The following TYR variants were observed in gnomAD, a reference collection of about 807,000 sequenced individuals.
TYR encodes LB24-AB.
TYR carries 58 observed loss-of-function variants against 51.5 expected under a neutral mutation model. The ratio of observed to expected loss-of-function variants is 1.13; its 90% CI spans 0.91 to 1.40. The LOEUF is 1.40. Among genes scored for constraint, TYR ranks in the 40% most tolerant of loss-of-function variants. TYR has a pLI of 0.00. For synonymous variants in TYR, 263 were observed against 235.2 expected, an observed-to-expected ratio of 1.12 and a Z score of -1.08; for missense variants, 732 against 647.4, an observed-to-expected ratio of 1.13 and a Z score of -1.42.
chr11:89,295,323 T>G lies in TYR; in HGVS notation c.1547T>G (p.Met516Arg). Residue 516 changes from methionine to arginine, a missense_variant, in exon 5 of 5, where the codon ATG becomes AGG. Physicochemically the swap from Met to Arg is moderately conservative, Grantham distance 91. Coordinates refer to ENST00000263321, the MANE Select transcript of TYR (RefSeq NM_000372.5). ...QLPEEKQPLLMEKEDYHSLYQ... is the reference protein window; with the variant it reads ...QLPEEKQPLLREKEDYHSLYQ... Reference sequence around the variant, plus strand: ...CCTGAAGAAAAGCAGCCACTCCTCATGGAGAAAGAGGATTACCACAGCTTG... The same window carrying G: ...CCTGAAGAAAAGCAGCCACTCCTCAGGGAGAAAGAGGATTACCACAGCTTG... 1 of 1,613,454 alleles carries G rather than the reference T, an allele frequency of 6.2e-7. No individual in the cohort carries two copies. Among genetic ancestry groups the G allele is most frequent in the Non-Finnish European group, 8.5e-7 (1 of 1,179,668 alleles).
chr11:89,227,690 C>G lies in TYR; in HGVS notation c.1037-133C>G, dbSNP rs556997125. 5 of 802,206 alleles carry G rather than the reference C, an allele frequency of 6.2e-6. No individual in the cohort carries two copies. In the South Asian group the frequency reaches 8.8e-5, roughly 14 times the overall value. 49.7% of individuals were successfully genotyped at this position (802,206 alleles called of 1,614,324 possible). ...ATCCAGAATGTAAAGAGTCTCAATA[C>G]GGAATGAATTTTATTTTTGATTTTA... On this transcript the variant is annotated intron_variant, in intron 2 of 4. Coordinates refer to ENST00000263321, the MANE Select transcript of TYR (RefSeq NM_000372.5).
chr11:89,178,594 TC>T lies in TYR; in HGVS notation c.642del (p.Leu215CysfsTer11). The T allele has an allele frequency of 6.2e-7, 1 of 1,613,250 alleles. No individual in the cohort carries two copies. Among genetic ancestry groups the T allele is most frequent in the Non-Finnish European group, 8.5e-7 (1 of 1,179,478 alleles). On this transcript the variant is annotated frameshift_variant, in exon 1 of 5. Transcript: ENST00000263321. LOFTEE classifies it high-confidence loss of function. Reference protein sequence around the residue: ...APAFLPWHRLFLLRWEQEIQK... With the variant: ...APAFLPWHRLXLLRWEQEIQK... Reference sequence around the variant, plus strand: ...GCTTTTCTGCCTTGGCATAGACTCTTCTTGTTGCGGTGGGAACAAGAAATCC... The same window carrying T: ...GCTTTTCTGCCTTGGCATAGACTCTTTTGTTGCGGTGGGAACAAGAAATCC...
chr11:89,204,661 G>C (rs1943648392), intron 2 of TYR, among the ~76,000 whole-genome samples: 1 of 152,060 alleles, frequency 6.6e-6, no homozygotes. Context: ...GCCTCCCAAA[G>C]TACTGGGATT....
At chr11:89,275,731 A>T (rs2135317998) in intron 3 of TYR, among the ~76,000 whole-genome samples, 1 of 151,992 alleles carries the variant, frequency 6.6e-6, no homozygotes, top group East Asian at 1.9e-4. Flanking sequence ...AACGTTAAAA[A>T]AATGGAAGTG....
At chr11:89,257,319 T>C (rs745370137) in intron 3 of TYR, among the ~76,000 whole-genome samples, 14 of 151,942 alleles carry the variant, frequency 9.2e-5, no homozygotes, top group Non-Finnish European at 2.1e-4. Context: ...ATAGGTAAAT[T>C]TCACACAATA....
Position 89,227,882 on chromosome 11 carries a change from T to A in TYR, c.1096T>A (p.Leu366Met). 6.2e-7 allele frequency: 1 copy of A among 1,613,626 alleles called. No homozygotes were observed. Reference sequence around the variant, plus strand: ...CTCTCAAAGCAGCATGCACAATGCCTTGCACATCTATATGAATGGAACAAT... The same window carrying A: ...CTCTCAAAGCAGCATGCACAATGCCATGCACATCTATATGAATGGAACAAT... ...DASQSSMHNA[L>M]HIYMNGTMSQ... The change falls in exon 3 of 5, where the codon TTG (leucine) becomes ATG (methionine). Residue 366 changes from leucine to methionine, a missense_variant. Physicochemically the swap from Leu to Met is conservative, Grantham distance 15. Transcript: ENST00000263321.
At chr11:89,247,875 G>T (rs1170352827) in intron 3 of TYR, among the ~76,000 whole-genome samples, 1 of 152,134 alleles carries the variant, frequency 6.6e-6, no homozygotes, top group East Asian at 1.9e-4. Context: ...TATTTCGAGA[G>T]CCAAATGTCA....
intron 2 of TYR, among the ~76,000 whole-genome samples, chr11:89,207,390 A>G (rs1943685856): frequency 6.6e-6 from 1 of 152,128 alleles, no homozygotes; most frequent in Non-Finnish European, 1.5e-5. Flanking sequence ...CTAATTCCTA[A>G]AAAAGCGCAA....
At position 89,178,531 on chromosome 11, in the gene TYR, A is replaced by C. The variant is rs751717415; in HGVS notation, c.578A>C (p.Glu193Ala). The part of the protein sequence containing the change: ...VSMDALLGGS[E>A]IWRDIDFAHE... ...ATGGATGCACTGCTTGGGGGATCTG[A>C]AATCTGGAGAGACATTGATTTTGCC... Residue 193 changes from glutamate (E) to alanine (A), a missense_variant, in exon 1 of 5, where the codon GAA becomes GCA. Glu to Ala is a moderately radical substitution (Grantham distance 107). Transcript: ENST00000263321. 1.2e-6 allele frequency: 2 copies of C among 1,614,158 alleles called. No homozygotes were observed. The highest frequency in any genetic ancestry group is 1.7e-6 in the Non-Finnish European group (2 of 1,180,030).
At chr11:89,221,562 T>C (rs532986703) in intron 2 of TYR, among the ~76,000 whole-genome samples, 96 of 152,306 alleles carry the variant, frequency 6.3e-4, no homozygotes, top group African/African-American at 2.2e-3. Flanking sequence ...GTAGTTTAAA[T>C]TACAAGCCTT....
chr11:89,195,668 C>T (rs1943508432), intron 2 of TYR, among the ~76,000 whole-genome samples: 1 of 140,498 alleles, frequency 7.1e-6, no homozygotes, highest in Admixed American at 6.9e-5. Flanking sequence ...GAGACTCTTC[C>T]CATAAATAAA....
At chr11:89,204,269 A>G (rs1591152249) in intron 2 of TYR, among the ~76,000 whole-genome samples, 2 of 152,356 alleles carry the variant, frequency 1.3e-5, no homozygotes, top group East Asian at 3.9e-4. Flanking sequence ...CTAGCAAGGA[A>G]GACATCAGTA....
chr11:89,208,074 C>G (rs181820672), intron 2 of TYR, among the ~76,000 whole-genome samples: 139 of 152,322 alleles, frequency 9.1e-4, no homozygotes, highest in African/African-American at 3.1e-3. Context: ...CAAGACCATC[C>G]TGGCTAACAC....
chr11:89,240,227 A>G (rs1346921384), intron 3 of TYR, among the ~76,000 whole-genome samples: 1 of 152,132 alleles, frequency 6.6e-6, no homozygotes, highest in Non-Finnish European at 1.5e-5. Context: ...CATCCTGCAC[A>G]TGTACCCTGA....
intron 3 of TYR, among the ~76,000 whole-genome samples, chr11:89,276,490 TTC>T (rs768278219): frequency 1.1e-4 from 16 of 151,720 alleles, no homozygotes; most frequent in Non-Finnish European, 1.6e-4. Context: ...GTTCACTACT[TTC>T]TCTCTCTCTG....
intron 1 of TYR, among the ~76,000 whole-genome samples, chr11:89,185,734 C>T (rs1364073267): frequency 6.6e-6 from 1 of 152,108 alleles, no homozygotes. Context: ...TCGAATGTAT[C>T]TCTCACTACC....
At chr11:89,214,165 AT>A (rs1373557147) in intron 2 of TYR, among the ~76,000 whole-genome samples, 1 of 152,130 alleles carries the variant, frequency 6.6e-6, no homozygotes, top group Admixed American at 6.6e-5. Flanking sequence ...ACTGGAGAAA[AT>A]TTTTGCCATC....
chr11:89,293,775 A>C (rs1416748024), intron 4 of TYR: 1 of 186,930 alleles, frequency 5.3e-6, no homozygotes, highest in African/African-American at 2.4e-5. Context: ...ATGCCAACTT[A>C]GTCTCTCTTT....
intron 2 of TYR, chr11:89,191,978 TTA>T (rs765005185): frequency 1.4e-5 from 6 of 441,354 alleles, no homozygotes; most frequent in African/African-American, 4.1e-5. Flanking sequence ...TTCCTACGTT[TTA>T]GTGTTTTAGT....
Sources: gnomAD v4.1 joint callset for allele counts (sites outside exome capture counted in the v4.1 genomes callset) on GRCh38, gnomAD v4.1.1 for gene constraint, MANE v1.5 for transcripts, NCBI Gene and HGNC (gene_info 2026-07-23, HGNC 2026-07-21) for gene names.